Variants in TRIM71 observed in about 807,000 individuals in gnomAD.
The protein encoded by TRIM71 is E3 ubiquitin-protein ligase TRIM71.
TRIM71 carries 9 observed loss-of-function variants against 61.2 expected under a neutral mutation model. That is an observed-to-expected ratio of 0.15 (90% CI 0.09 to 0.26). The LOEUF is 0.26. TRIM71 is among the 10% of genes least tolerant of loss of function. The pLI, the probability that TRIM71 is intolerant of heterozygous loss-of-function variation, is 1.00. For synonymous variants in TRIM71, 645 were observed against 553.2 expected (o/e 1.17, Z -2.33); for missense variants, 998 against 1,238.7 (o/e 0.81, Z 2.92).
chr3:32,848,292 A>G (rs1370541927), intron 1 of TRIM71, among the ~76,000 whole-genome samples: 3 of 152,192 alleles, frequency 2.0e-5, no homozygotes, highest in Non-Finnish European at 4.4e-5. Flanking sequence ...TGTGCACCCC[A>G]GGGTAGTGTG....
intron 1 of TRIM71, among the ~76,000 whole-genome samples, chr3:32,839,141 G>A (rs1053604427): frequency 6.6e-6 from 1 of 152,168 alleles, no homozygotes; most frequent in African/African-American, 2.4e-5. Context: ...CTTCAGGGGT[G>A]TGAGTGGAGG....
chr3:32,829,580 C>G (rs958839263), intron 1 of TRIM71, among the ~76,000 whole-genome samples: 2 of 151,680 alleles, frequency 1.3e-5, no homozygotes, highest in Non-Finnish European at 2.9e-5. Context: ...ATGGAACAGT[C>G]TAATCTCAGC....
At chr3:32,875,666 C>G (rs1696846007) in intron 2 of TRIM71, among the ~76,000 whole-genome samples, 1 of 152,026 alleles carries the variant, frequency 6.6e-6, no homozygotes, top group African/African-American at 2.4e-5. Context: ...ATGGGGAAAC[C>G]CTACAAAAAG....
At chr3:32,820,843 A>G (rs902258296) in intron 1 of TRIM71, among the ~76,000 whole-genome samples, 2 of 152,218 alleles carry the variant, frequency 1.3e-5, no homozygotes, top group African/African-American at 4.8e-5. Flanking sequence ...ACTTTTTAGC[A>G]TGTGCAATGT....
chr3:32,844,414 T>A (rs945003124), intron 1 of TRIM71, among the ~76,000 whole-genome samples: 9 of 152,314 alleles, frequency 5.9e-5, no homozygotes, highest in African/African-American at 2.2e-4. Context: ...TCCCTTTCCC[T>A]GAGACTGGGT....
chr3:32,818,695 C>T lies in TRIM71; in HGVS notation c.615C>T (p.Gly205=), dbSNP rs1309562342. The T allele has an allele frequency of 2.5e-6, 4 of 1,577,380 alleles. No individual in the cohort carries two copies. Among genetic ancestry groups the T allele is most frequent in the Middle Eastern group, 1.7e-4 (1 of 5,840 alleles). Residue 205 remains glycine, a synonymous_variant, in exon 1 of 4, where the codon GGC becomes GGT. Coordinates refer to ENST00000383763, the MANE Select transcript of TRIM71 (RefSeq NM_001039111.3). ...ACGGCTGCAGCTCGTGCGATGAGGG[C>T]AACGCAGCTTCTTCGCGCTGCCTCG... The part of the protein sequence containing the change: ...RPHGCSSCDE[G]NAASSRCLDC...
At chr3:32,872,592 T>G (rs773495707) in intron 1 of TRIM71, among the ~76,000 whole-genome samples, 2 of 152,222 alleles carry the variant, frequency 1.3e-5, no homozygotes, top group Admixed American at 6.5e-5. Flanking sequence ...CAGAATGAGC[T>G]TCTATTCAGT....
intron 1 of TRIM71, 152 bp downstream of exon 1, chr3:32,819,084 T>C (rs968645190): frequency 1.3e-5 from 11 of 870,602 alleles, no homozygotes; most frequent in Non-Finnish European, 1.8e-5. Context: ...GCTACCAAAG[T>C]AGATCATGAC....
At chr3:32,840,148 ACCCAC>A (rs1696387293) in intron 1 of TRIM71, among the ~76,000 whole-genome samples, 1 of 152,096 alleles carries the variant, frequency 6.6e-6, no homozygotes, top group Non-Finnish European at 1.5e-5. Flanking sequence ...CTGAAGATGT[ACCCAC>A]TGTATTGTCA....
intron 2 of TRIM71, among the ~76,000 whole-genome samples, chr3:32,879,728 T>C (rs1696887808): frequency 6.6e-6 from 1 of 151,118 alleles, no homozygotes; most frequent in Non-Finnish European, 1.5e-5. Flanking sequence ...ACATCAGCAC[T>C]TTGGGAGGCT....
intron 1 of TRIM71, among the ~76,000 whole-genome samples, chr3:32,856,259 C>G (rs1173566866): frequency 6.6e-6 from 1 of 152,064 alleles, no homozygotes; most frequent in African/African-American, 2.4e-5. Flanking sequence ...CCTCGTGATC[C>G]GCCTGCCTCG....
intron 2 of TRIM71, among the ~76,000 whole-genome samples, chr3:32,882,316 A>G (rs1696918522): frequency 6.6e-6 from 1 of 152,116 alleles, no homozygotes; most frequent in Non-Finnish European, 1.5e-5. Context: ...TGTTACAGAC[A>G]TAGGTTTGGT....
At chr3:32,874,034 T>C in intron 2 of TRIM71, 49 bp downstream of exon 2, 2 of 1,538,212 alleles carry the variant, frequency 1.3e-6, no homozygotes, top group South Asian at 1.2e-5. Context: ...CGAGCCCCCC[T>C]TTCTGTCGGG....
At chr3:32,841,721 C>T (rs1245571696) in intron 1 of TRIM71, among the ~76,000 whole-genome samples, 4 of 152,126 alleles carry the variant, frequency 2.6e-5, no homozygotes, top group African/African-American at 4.8e-5. Flanking sequence ...ACTGATGAAA[C>T]GTTCTAAAGT....
intron 1 of TRIM71, among the ~76,000 whole-genome samples, chr3:32,836,404 T>TA (rs1284288771): frequency 1.3e-5 from 2 of 152,196 alleles, no homozygotes; most frequent in African/African-American, 4.8e-5. Flanking sequence ...TATCTTGGGT[T>TA]AAAAAAATTC....
chr3:32,819,295 A>G (rs1331081314), intron 1 of TRIM71, among the ~76,000 whole-genome samples: 1 of 152,178 alleles, frequency 6.6e-6, no homozygotes, highest in Non-Finnish European at 1.5e-5. Flanking sequence ...TGGGCACACC[A>G]GAGGCCTCCC....
intron 1 of TRIM71, 59 bp downstream of exon 1, chr3:32,818,991 C>T (rs891323141): frequency 1.9e-6 from 3 of 1,571,408 alleles, no homozygotes; most frequent in Admixed American, 3.8e-5. Context: ...TGCTCAACAG[C>T]GTTTCCCGGC....
At chr3:32,835,860 C>T (rs2125677486) in intron 1 of TRIM71, among the ~76,000 whole-genome samples, 1 of 152,114 alleles carries the variant, frequency 6.6e-6, no homozygotes, top group African/African-American at 2.4e-5. Context: ...TTGTGGTGTA[C>T]CAGGTTCGTG....
At chr3:32,877,409 T>A (rs1342829323) in intron 2 of TRIM71, among the ~76,000 whole-genome samples, 1 of 151,890 alleles carries the variant, frequency 6.6e-6, no homozygotes, top group Non-Finnish European at 1.5e-5. Context: ...TGGCCATTTT[T>A]TTTTTTAAGA....
Sources: gnomAD v4.1 joint callset for allele counts (sites outside exome capture counted in the v4.1 genomes callset) on GRCh38, gnomAD v4.1.1 for gene constraint, MANE v1.5 for transcripts, NCBI Gene and HGNC (gene_info 2026-07-23, HGNC 2026-07-21) for gene names.